The following CNNM4 variants were observed in gnomAD, a reference collection of about 807,000 sequenced individuals.
CNNM4 encodes cyclin and CBS domain divalent metal cation transport mediator 4.
Under a neutral mutation model 53.7 loss-of-function variants are expected in CNNM4, and 32 were observed. The ratio of observed to expected loss-of-function variants is 0.60; its 90% CI spans 0.45 to 0.80. CNNM4 has a LOEUF of 0.80. Among genes scored for constraint, CNNM4 ranks in the 30% least tolerant of loss-of-function variants. The pLI is 0.00. For synonymous variants in CNNM4, 410 were observed against 440.0 expected, an observed-to-expected ratio of 0.93 and a Z score of 0.85; for missense variants, 784 against 1,022.0, an observed-to-expected ratio of 0.77 and a Z score of 3.17.
At chr2:96,762,725 G>A (rs531946214) in intron 1 of CNNM4, among the ~76,000 whole-genome samples, 70 of 152,276 alleles carry the variant, frequency 4.6e-4, no homozygotes, top group African/African-American at 1.6e-3. Flanking sequence ...AGGCCAGGGC[G>A]ATGGAGATTT....
Position 96,805,312 on chromosome 2 carries a change from A to T in CNNM4, c.1949-3249A>T, listed in dbSNP as rs572128326. ...ATAAACTATAAACTGTAAACTAGGA[A>T]ACTGTAGTTTCCTAGTTTTATAAAT... On this transcript the variant is annotated intron_variant, in intron 5 of 6. Transcript: ENST00000377075. 2.0e-5 allele frequency among the ~76,000 whole-genome samples: 3 copies of T among 151,466 alleles called. No homozygotes were observed. In the East Asian group the frequency reaches 5.8e-4, roughly 29 times the overall value.
intron 1 of CNNM4, among the ~76,000 whole-genome samples, chr2:96,765,777 TTTTCTTTC>T (rs200888938): frequency 1.3e-4 from 20 of 150,320 alleles, no homozygotes; most frequent in South Asian, 4.2e-4. Flanking sequence ...GCTGTTCTTT[TTTTCTTTC>T]TTTCTTTCTT....
chr2:96,778,426 C>T (rs974802687), intron 1 of CNNM4, among the ~76,000 whole-genome samples: 3 of 151,194 alleles, frequency 2.0e-5, no homozygotes, highest in African/African-American at 7.3e-5. Flanking sequence ...GGCATGGTGG[C>T]GGGCACCTGT....
intron 1 of CNNM4, among the ~76,000 whole-genome samples, chr2:96,770,741 G>A (rs879666362): frequency 4.6e-5 from 7 of 152,208 alleles, no homozygotes; most frequent in Non-Finnish European, 1.0e-4. Context: ...TGAAGGAGTC[G>A]CTACTACAGG....
rs1047425514 is a variant in CNNM4, at chr2:96,811,267, G to C, written c.*1750G>C. On this transcript the variant is annotated 3_prime_UTR_variant, in exon 7 of 7. Transcript: ENST00000377075. ...AGACACCAGACTTTTGTTCCCTAGT[G>C]GGGGAAAGCCCTTAGTCTTGTACAG... 8 of 152,342 alleles carry C rather than the reference G, an allele frequency of 5.3e-5. No individual in the cohort carries two copies. The East Asian group carries it at 1.3e-3, about 26-fold the overall frequency. The allele number at this position is 152,342 out of a possible 1,614,324, so 9.4% of individuals were successfully genotyped here.
intron 5 of CNNM4, among the ~76,000 whole-genome samples, chr2:96,807,382 C>T (rs941654093): frequency 9.9e-5 from 15 of 151,804 alleles, no homozygotes; most frequent in African/African-American, 3.1e-4. Flanking sequence ...CAGCACTTTG[C>T]GAGGTTGAGG....
intron 5 of CNNM4, among the ~76,000 whole-genome samples, chr2:96,806,533 A>ACGCGCGCGCGCG (rs745997640): frequency 7.2e-6 from 1 of 138,514 alleles, no homozygotes; most frequent in Non-Finnish European, 1.6e-5. Context: ...ACACACACAC[A>ACGCGCGCGCGCG]CACGCGCGCG....
rs983317888 is a variant in CNNM4, at chr2:96,801,125, T to C, written c.1948+1477T>C. 1 of 985,400 alleles carries C rather than the reference T, an allele frequency of 1.0e-6. No individual in the cohort carries two copies. The highest frequency in any genetic ancestry group is 1.1e-4 in the East Asian group (1 of 8,812). 61.0% of individuals were successfully genotyped at this position (985,400 alleles called of 1,614,324 possible). Reference sequence around the variant, plus strand: ...TGGCAAGCGGAACTCCCTGCTCTGCTGGCTCACAGGTAACGTGGCACAGCT... The same window carrying C: ...TGGCAAGCGGAACTCCCTGCTCTGCCGGCTCACAGGTAACGTGGCACAGCT... On this transcript the variant is annotated intron_variant, in intron 5 of 6. Transcript: ENST00000377075. The surrounding 1 kb of genome is among the most constrained non-coding windows in gnomAD (Gnocchi z 5.6).
chr2:96,793,930 G>C (rs1335866914), intron 1 of CNNM4, among the ~76,000 whole-genome samples: 2 of 152,140 alleles, frequency 1.3e-5, no homozygotes, highest in African/African-American at 4.8e-5. Flanking sequence ...ACTCCAGCCT[G>C]GGCCACTCCA....
At position 96,807,930 on chromosome 2, in the gene CNNM4, C is replaced by A. The variant is rs557453107; in HGVS notation, c.1949-631C>A. Among the ~76,000 whole-genome samples the A allele has an allele frequency of 2.8e-4, 42 of 151,866 alleles. No individual in the cohort carries two copies. The Middle Eastern group carries it at 0.02, about 74-fold the overall frequency. ...TTGAGACAGAGTCTTGCTCTGTCAC[C>A]CAAGCTGGAGTGCAGTGGTGCCAGC... On this transcript the variant is annotated intron_variant, in intron 5 of 6. Coordinates refer to ENST00000377075, the MANE Select transcript of CNNM4 (RefSeq NM_020184.4).
In CNNM4 at chr2:96,801,806, C is replaced by A. The variant is rs1485113035; in HGVS notation, c.1948+2158C>A. The stretch of plus-strand genomic sequence containing the variant: ...TACAGACACCCATAGACAGAGATAT[C>A]ACACACAGAAACACACATGCAGATA... On this transcript the variant is annotated intron_variant, in intron 5 of 6. Coordinates refer to ENST00000377075, the MANE Select transcript of CNNM4 (RefSeq NM_020184.4). This position sits in a 1 kb window ranked among gnomAD's most constrained non-coding sequence, Gnocchi z 5.6. Among the ~76,000 whole-genome samples the A allele has an allele frequency of 6.6e-6, 1 of 151,894 alleles. No individual in the cohort carries two copies. The highest frequency in any genetic ancestry group is 1.5e-5 in the Non-Finnish European group (1 of 67,958).
chr2:96,793,372 C>CAG (rs1317438154), intron 1 of CNNM4, among the ~76,000 whole-genome samples: 1 of 152,244 alleles, frequency 6.6e-6, no homozygotes, highest in African/African-American at 2.4e-5. Context: ...GCTCACCCTG[C>CAG]AGAGGGTGAC....
rs760464330 is a variant in CNNM4 at position 96,761,688 on chromosome 2, G to A, written c.689G>A (p.Arg230His). ...ACCGAGAAGGAGAGGCGCTATGCCC[G>A]CAAGATTGAGCCCATCCGGCGCAAG... ...CGTEKERRYA[R>H]KIEPIRRKGN... is the part of the protein sequence containing the mutation. Residue 230 changes from arginine (R) to histidine (H), a missense_variant, in exon 1 of 7, where the codon CGC (arginine) becomes CAC (histidine). Physicochemically the swap from Arg to His is conservative, Grantham distance 29. Coordinates refer to ENST00000377075, the MANE Select transcript of CNNM4 (RefSeq NM_020184.4). The surrounding 1 kb of genome is among the most constrained non-coding windows in gnomAD (Gnocchi z 6.0). 3 of 1,609,776 alleles carry A rather than the reference G, an allele frequency of 1.9e-6. No individual in the cohort carries two copies. The highest frequency in any genetic ancestry group is 1.7e-5 in the Admixed American group (1 of 59,974).
chr2:96,765,861 C>G (rs2078814083), intron 1 of CNNM4, among the ~76,000 whole-genome samples: 1 of 150,502 alleles, frequency 6.6e-6, no homozygotes, highest in African/African-American at 2.4e-5. Flanking sequence ...ATGGCACCAT[C>G]TCGGCTCACT....
chr2:96,804,379 G>A (rs1341119722), intron 5 of CNNM4, among the ~76,000 whole-genome samples: 5 of 148,318 alleles, frequency 3.4e-5, no homozygotes, highest in African/African-American at 1.2e-4. Flanking sequence ...ACAGGCGTGC[G>A]CCAGGAACCC....
intron 1 of CNNM4, among the ~76,000 whole-genome samples, chr2:96,789,668 G>A (rs561841437): frequency 1.3e-4 from 20 of 152,118 alleles, no homozygotes; most frequent in African/African-American, 4.3e-4. Context: ...CAGAGGAAGC[G>A]GTATTAGAAT....
chr2:96,772,129 C>G (rs1040286915), intron 1 of CNNM4, among the ~76,000 whole-genome samples: 2 of 151,986 alleles, frequency 1.3e-5, no homozygotes, highest in Non-Finnish European at 1.5e-5. Context: ...CTCCCCTACC[C>G]CAGGTAGGGC....
At position 96,801,209 on chromosome 2, in the gene CNNM4, C is replaced by A. The variant is rs904064900; in HGVS notation, c.1948+1561C>A. 7.4e-6 allele frequency: 6 copies of A among 813,554 alleles called. No individual in the cohort carries two copies. Among genetic ancestry groups the A allele is most frequent in the Non-Finnish European group, 8.9e-6 (6 of 672,800 alleles). 50.4% of individuals were successfully genotyped at this position (813,554 alleles called of 1,614,324 possible). Reference sequence around the variant, plus strand: ...CACACTGCAGCTGCATTAACCTCCCCACATGGACCCGGACCCCCGCCTGCT... The same window carrying A: ...CACACTGCAGCTGCATTAACCTCCCAACATGGACCCGGACCCCCGCCTGCT... On this transcript the variant is annotated intron_variant, in intron 5 of 6. Coordinates refer to ENST00000377075, the MANE Select transcript of CNNM4 (RefSeq NM_020184.4). The surrounding 1 kb of genome is among the most constrained non-coding windows in gnomAD (Gnocchi z 5.6).
intron 1 of CNNM4, among the ~76,000 whole-genome samples, chr2:96,773,236 C>T (rs2078894866): frequency 6.6e-6 from 1 of 152,204 alleles, no homozygotes; most frequent in Non-Finnish European, 1.5e-5. Flanking sequence ...TTCTCTTCAG[C>T]TGCTAGTGAT....
Sources: allele counts gnomAD v4.1 joint callset (sites outside exome capture counted in the v4.1 genomes callset), GRCh38; gene constraint gnomAD v4.1.1; non-coding constraint Gnocchi (gnomAD v3.1); transcripts MANE v1.5; gene names NCBI Gene and HGNC (gene_info 2026-07-23, HGNC 2026-07-21).